Variants in PDHX observed in about 807,000 individuals in gnomAD.
PDHX encodes the protein pyruvate dehydrogenase complex component X.
In PDHX, 33 loss-of-function variants were observed where a neutral mutation model predicts 55.3. The observed-to-expected ratio is 0.60, with a 90% CI of 0.45 to 0.80. PDHX has a LOEUF of 0.80. PDHX is among the 30% of genes least tolerant of loss of function. The pLI is 0.00. For synonymous variants in PDHX, 226 were observed against 219.4 expected (o/e 1.03, Z -0.27); for missense variants, 622 against 619.9 (o/e 1.00, Z -0.04).
intron 2 of PDHX, among the ~76,000 whole-genome samples, chr11:34,940,582 A>G (rs1854450220): frequency 2.0e-5 from 3 of 152,208 alleles, no homozygotes; most frequent in Admixed American, 1.3e-4. Context: ...TACATACCAT[A>G]ACATTTACCT....
chr11:34,953,500 A>C (rs967281094), intron 3 of PDHX, among the ~76,000 whole-genome samples: 1 of 152,238 alleles, frequency 6.6e-6, no homozygotes, highest in African/African-American at 2.4e-5. Flanking sequence ...TAATTTTTTC[A>C]TATTGAAATA....
In PDHX at chr11:34,994,975, G is replaced by A. The variant is rs1474054380; in HGVS notation, c.1309G>A (p.Ala437Thr). ...EFTAVINPPQ[A>T]CILAVGRFRP... Reference sequence around the variant, plus strand: ...TACTGCAGTGATTAACCCTCCTCAGGCCTGCATTTTGGCGGTTGGGAGGTT... The same window carrying A: ...TACTGCAGTGATTAACCCTCCTCAGACCTGCATTTTGGCGGTTGGGAGGTT... Residue 437 changes from alanine to threonine, a missense_variant, in exon 11 of 11, where the codon GCC becomes ACC. By Grantham distance (58) the Ala-to-Thr change is moderately conservative. Transcript: ENST00000227868. 1.2e-6 allele frequency: 2 copies of A among 1,613,956 alleles called. No individual in the cohort carries two copies. Among genetic ancestry groups the A allele is most frequent in the Non-Finnish European group, 1.7e-6 (2 of 1,179,912 alleles).
chr11:34,944,061 T>G (rs1854562567), intron 2 of PDHX, among the ~76,000 whole-genome samples: 1 of 141,536 alleles, frequency 7.1e-6, no homozygotes, highest in Non-Finnish European at 1.5e-5. Flanking sequence ...ATGTAATATA[T>G]AAATATATAA....
Position 34,984,669 on chromosome 11 carries a change from A to T in PDHX, c.1123A>T (p.Thr375Ser). ...TGTGGCAACAGATAAAGGCTTACTT[A>T]CTCCAATCATAAAAGATGCTGCTGC... ...VAVATDKGLL[T>S]PIIKDAAAKG... The change falls in exon 9 of 11, where the codon ACT becomes TCT. Residue 375 changes from threonine to serine, a missense_variant. By Grantham distance (58) the Thr-to-Ser change is moderately conservative (BLOSUM62 1). Coordinates refer to ENST00000227868, the MANE Select transcript of PDHX (RefSeq NM_003477.3). 1.2e-6 allele frequency: 2 copies of T among 1,614,080 alleles called. No homozygotes were observed. The highest frequency in any genetic ancestry group is 3.3e-4 in the Middle Eastern group (2 of 6,060).
intron 7 of PDHX, chr11:34,977,786 C>T (rs762813861): frequency 4.3e-6 from 2 of 463,378 alleles, no homozygotes; most frequent in East Asian, 1.3e-4. Flanking sequence ...ACAGAGAGAT[C>T]ATTTGTCTTT....
intron 2 of PDHX, 118 bp from the exon 3 acceptor site, chr11:34,947,388 C>A: frequency 1.4e-6 from 1 of 711,052 alleles, no homozygotes. Flanking sequence ...TGTATTTCCA[C>A]AACCCAGAAA....
At chr11:34,990,189 A>G (rs1288259644) in intron 9 of PDHX, among the ~76,000 whole-genome samples, 1 of 152,228 alleles carries the variant, frequency 6.6e-6, no homozygotes. Context: ...ATTAAAAGGC[A>G]GAGGCATAGT....
chr11:34,937,277 A>G (rs1207190888), intron 2 of PDHX, among the ~76,000 whole-genome samples: 14 of 151,230 alleles, frequency 9.3e-5, no homozygotes, highest in Admixed American at 7.9e-4. Flanking sequence ...GGGGTAAAGC[A>G]TCTGCTCTCT....
At chr11:34,916,193 C>G, upstream of PDHX, 1 of 1,600,068 alleles carries the variant, frequency 6.2e-7, no homozygotes, top group Non-Finnish European at 8.5e-7. Context: ...GCCTCTCCTC[C>G]TGGGAATACC....
In PDHX at chr11:34,995,169, C is replaced by G; in HGVS notation, c.1503C>G (p.Ala501=). The change falls in exon 11 of 11, where the codon GCC becomes GCG. Residue 501 remains alanine (A), a synonymous_variant. Coordinates refer to ENST00000227868, the MANE Select transcript of PDHX (RefSeq NM_003477.3). ...KANLENPIRL[A] ...ACCTAGAGAATCCTATCCGACTTGC[C>G]TAGTCCTCAAAGATAAGAAGTTGGT... 1 of 1,613,682 alleles carries G rather than the reference C, an allele frequency of 6.2e-7. No homozygotes were observed. The highest frequency in any genetic ancestry group is 1.1e-5 in the South Asian group (1 of 90,954).
At chr11:34,935,202 T>A (rs1471529832) in intron 2 of PDHX, among the ~76,000 whole-genome samples, 2 of 151,980 alleles carry the variant, frequency 1.3e-5, no homozygotes, top group Admixed American at 1.3e-4. Context: ...TTTTAAAGGT[T>A]GTGCATAGTG....
intron 9 of PDHX, among the ~76,000 whole-genome samples, chr11:34,987,553 T>A (rs1302761257): frequency 6.6e-6 from 1 of 151,950 alleles, no homozygotes; most frequent in Admixed American, 6.6e-5. Flanking sequence ...CAAAATTAGT[T>A]TTTTGTTGAA....
chr11:34,930,398 A>G (rs7924507), intron 1 of PDHX, among the ~76,000 whole-genome samples: 28,820 of 152,194 alleles, frequency 0.19, 3,897 homozygotes, highest in African/African-American at 0.39. Context: ...ATTTATTCTC[A>G]TTTAACATTA....
intron 8 of PDHX, among the ~76,000 whole-genome samples, chr11:34,980,958 T>C (rs1239967496): frequency 6.6e-6 from 1 of 152,170 alleles, no homozygotes; most frequent in Non-Finnish European, 1.5e-5. Context: ...AGATTATTAA[T>C]AGGCAGGGTT....
intron 2 of PDHX, among the ~76,000 whole-genome samples, chr11:34,944,383 G>A (rs940301532): frequency 1.3e-5 from 2 of 152,070 alleles, no homozygotes; most frequent in Non-Finnish European, 2.9e-5. Flanking sequence ...GCCTCCCAAA[G>A]TGATGGGATT....
At chr11:34,984,218 C>T (rs1414237278) in intron 8 of PDHX, among the ~76,000 whole-genome samples, 1 of 152,190 alleles carries the variant, frequency 6.6e-6, no homozygotes, top group African/African-American at 2.4e-5. Flanking sequence ...TCCTCCTCCC[C>T]TCAAGATCAT....
At chr11:34,933,921 A>G (rs1854238744) in intron 2 of PDHX, among the ~76,000 whole-genome samples, 1 of 152,180 alleles carries the variant, frequency 6.6e-6, no homozygotes, top group African/African-American at 2.4e-5. Context: ...CAGTAATACT[A>G]AAGAAAAAAA....
intron 3 of PDHX, among the ~76,000 whole-genome samples, chr11:34,952,577 C>T (rs1040501178): frequency 2.6e-5 from 4 of 151,754 alleles, no homozygotes; most frequent in African/African-American, 9.7e-5. Flanking sequence ...TACACAGAAC[C>T]AAAGACAAAA....
At chr11:34,989,177 C>T (rs1355805795) in intron 9 of PDHX, among the ~76,000 whole-genome samples, 2 of 152,116 alleles carry the variant, frequency 1.3e-5, no homozygotes, top group African/African-American at 2.4e-5. Context: ...TACAATGGTA[C>T]GTATTTGTGT....
Sources: allele counts gnomAD v4.1 joint callset (sites outside exome capture counted in the v4.1 genomes callset), GRCh38; gene constraint gnomAD v4.1.1; transcripts MANE v1.5; gene names NCBI Gene and HGNC (gene_info 2026-07-23, HGNC 2026-07-21).